Variants in FBXO45 observed in about 807,000 individuals in gnomAD.
The protein encoded by FBXO45 is F-box protein 45.
In FBXO45, 3 loss-of-function variants were observed where a neutral mutation model predicts 25.5. The observed-to-expected ratio is 0.12, with a 90% CI of 0.05 to 0.30. FBXO45 has a LOEUF of 0.30. FBXO45 is among the 10% of genes least tolerant of loss of function. FBXO45 has a pLI of 1.00. For synonymous variants in FBXO45, 155 were observed against 149.8 expected (o/e 1.03, Z -0.25); for missense variants, 219 against 365.0 (o/e 0.60, Z 3.26).
intron 1 of FBXO45, among the ~76,000 whole-genome samples, chr3:196,574,488 A>G (rs1036262401): frequency 6.6e-6 from 1 of 152,212 alleles, no homozygotes; most frequent in Non-Finnish European, 1.5e-5. Context: ...TTTAGTCTAC[A>G]TATTCACTCA....
chr3:196,580,218 C>T (rs6583323), intron 2 of FBXO45, among the ~76,000 whole-genome samples: 122,293 of 143,904 alleles, frequency 0.85, 52,121 homozygotes, highest in East Asian at 0.96. Context: ...TTTTTTTCTC[C>T]TTTTGAGACA....
At chr3:196,571,593 T>C (rs1047684220) in intron 1 of FBXO45, among the ~76,000 whole-genome samples, 1 of 152,246 alleles carries the variant, frequency 6.6e-6, no homozygotes, top group African/African-American at 2.4e-5. Context: ...AAGATTCATA[T>C]TATAATATGT....
chr3:196,581,619 T>C (rs1192106138), intron 2 of FBXO45, among the ~76,000 whole-genome samples: 1 of 152,204 alleles, frequency 6.6e-6, no homozygotes, highest in Non-Finnish European at 1.5e-5. Context: ...TTTGGACATA[T>C]TCATAACAGC....
At position 196,575,817 on chromosome 3, in the gene FBXO45, C is replaced by T. The variant is rs566050894; in HGVS notation, c.319-1636C>T. Among the ~76,000 whole-genome samples, 4 of 151,966 alleles carry T rather than the reference C, an allele frequency of 2.6e-5. No individual in the cohort carries two copies. The East Asian group carries it at 7.8e-4, about 30-fold the overall frequency. ...TCAGCCTCCCAAGTAGCTGGGATTA[C>T]AAGCGTGCACTGCCACGCCCAGCTA... On this transcript the variant is annotated intron_variant, in intron 1 of 2. Transcript: ENST00000311630.
At chr3:196,580,932 C>T (rs1399156141) in intron 2 of FBXO45, among the ~76,000 whole-genome samples, 1 of 151,622 alleles carries the variant, frequency 6.6e-6, no homozygotes, top group South Asian at 2.1e-4. Flanking sequence ...ACTACAGGTG[C>T]TCCCCACCAA....
chr3:196,580,723 G>GT (rs967574207), intron 2 of FBXO45, among the ~76,000 whole-genome samples: 14 of 151,134 alleles, frequency 9.3e-5, no homozygotes, highest in Non-Finnish European at 1.9e-4. Context: ...CTATGTTCTT[G>GT]TTTTTTCCCC....
In FBXO45 at chr3:196,577,847, T is replaced by C. The variant is rs541023294; in HGVS notation, c.675+38T>C. The C allele has an allele frequency of 1.9e-5, 25 of 1,311,566 alleles. No individual in the cohort carries two copies. In the Admixed American group the frequency reaches 3.6e-4, roughly 19 times the overall value. 81.2% of individuals were successfully genotyped at this position (1,311,566 alleles called of 1,614,324 possible). A position where few individuals can be genotyped will look rare whatever the true frequency, so the allele number is the denominator to read the frequency against. On this transcript the variant is annotated intron_variant, in intron 2 of 2. Coordinates refer to ENST00000311630, the MANE Select transcript of FBXO45 (RefSeq NM_001105573.2). ...GGTTTTTCTCAAGTATGGGCCTTTG[T>C]CAAATCACGCCTTAATTTGTTTTAA... is the stretch of plus-strand genomic sequence containing the variant.
chr3:196,582,138 T>TC (rs1736021322), intron 2 of FBXO45, among the ~76,000 whole-genome samples: 1 of 152,180 alleles, frequency 6.6e-6, no homozygotes, highest in Non-Finnish European at 1.5e-5. Flanking sequence ...TGGTAAGACT[T>TC]CGCTTTCTCC....
rs538828421 is a variant in FBXO45 at position 196,584,609 on chromosome 3, T to C, written c.*291T>C. On this transcript the variant is annotated 3_prime_UTR_variant, in exon 3 of 3. Transcript: ENST00000311630. The surrounding 1 kb of genome is among the most constrained non-coding windows in gnomAD (Gnocchi z 4.3). ...GTTATTTCCAGCTTTAAAGGTGAGA[T>C]TGTAGAGATGCTGTCAAAGGGATAA... The C allele has an allele frequency of 1.6e-5, 4 of 252,438 alleles. No individual in the cohort carries two copies. The highest frequency in any genetic ancestry group is 1.7e-4 in the East Asian group (2 of 11,784). The allele number at this position is 252,438 out of a possible 1,614,324, so 15.6% of individuals were successfully genotyped here.
chr3:196,584,332 G>T lies in FBXO45; in HGVS notation c.*14G>T, dbSNP rs368716589. ...TTGGACGGATGACAGTGGCTTTCTT[G>T]TGATGACAGACAGAATGGAGGAGAG... On this transcript the variant is annotated 3_prime_UTR_variant, in exon 3 of 3. Transcript: ENST00000311630. This position sits in a 1 kb window ranked among gnomAD's most constrained non-coding sequence, Gnocchi z 4.3. 8 of 1,592,668 alleles carry T rather than the reference G, an allele frequency of 5.0e-6. No individual in the cohort carries two copies. In the African/African-American group the frequency reaches 6.8e-5, roughly 14 times the overall value.
Position 196,569,331 on chromosome 3 carries a change from C to T in FBXO45, c.318+29C>T. 6.9e-7 allele frequency: 1 copy of T among 1,457,320 alleles called. No homozygotes were observed. The highest frequency in any genetic ancestry group is 9.2e-7 in the Non-Finnish European group (1 of 1,085,700). The allele number at this position is 1,457,320 out of a possible 1,614,324, so 90.3% of individuals were successfully genotyped here. Reference sequence around the variant, plus strand: ...AGAGAGCCCCGGGCCACACCGCTGCCCCCAGTCCCGCTCCCCGGCGTCGTT... The same window carrying T: ...AGAGAGCCCCGGGCCACACCGCTGCTCCCAGTCCCGCTCCCCGGCGTCGTT... On this transcript the variant is annotated intron_variant, in intron 1 of 2. Coordinates refer to ENST00000311630, the MANE Select transcript of FBXO45 (RefSeq NM_001105573.2). The surrounding 1 kb of genome is among the most constrained non-coding windows in gnomAD (Gnocchi z 4.1).
Position 196,584,169 on chromosome 3 carries a change from G to T in FBXO45, c.712G>T (p.Asp238Tyr). 6.2e-7 allele frequency: 1 copy of T among 1,613,914 alleles called. No individual in the cohort carries two copies. The highest frequency in any genetic ancestry group is 8.5e-7 in the Non-Finnish European group (1 of 1,179,874). ...AATTCGAGTCATCTTGGACATGGAA[G>T]ATAAGACTTTAGCTTTTGAACGTGG... ...ERIRVILDME[D>Y]KTLAFERGYE... Residue 238 changes from aspartate (D) to tyrosine (Y), a missense_variant, in exon 3 of 3, where the codon GAT becomes TAT. Transcript: ENST00000311630. This position sits in a 1 kb window ranked among gnomAD's most constrained non-coding sequence, Gnocchi z 4.3.
In FBXO45 at chr3:196,568,871, C is replaced by A; in HGVS notation, c.-114C>A. On this transcript the variant is annotated 5_prime_UTR_variant, in exon 1 of 3. In the 5' UTR this introduces an upstream ATG that the reference lacks. Coordinates refer to ENST00000311630, the MANE Select transcript of FBXO45 (RefSeq NM_001105573.2). ...GTGGTGGAGGCGCCGGCGGTTGGCA[C>A]TGACAGGGGCGGTGAGCGAGCCGCT... The A allele has an allele frequency of 2.4e-6, 2 of 820,448 alleles. No homozygotes were observed. Among genetic ancestry groups the A allele is most frequent in the South Asian group, 5.4e-5 (1 of 18,606 alleles). The allele number at this position is 820,448 out of a possible 1,614,324, so 50.8% of individuals were successfully genotyped here.
chr3:196,587,966 C>T lies in FBXO45; in HGVS notation c.*3648C>T, dbSNP rs909940072. ...TTTTTCTTTTAGACGGAGTCTTGCT[C>T]TGTTGCCCAGGCTGGAGTGCGGTGG... On this transcript the variant is annotated 3_prime_UTR_variant, in exon 3 of 3. Transcript: ENST00000311630. The T allele has an allele frequency of 6.6e-6, 1 of 152,160 alleles. No homozygotes were observed. Among genetic ancestry groups the T allele is most frequent in the Non-Finnish European group, 1.5e-5 (1 of 68,070 alleles). The allele number at this position is 152,160 out of a possible 1,614,324, so 9.4% of individuals were successfully genotyped here.
intron 1 of FBXO45, among the ~76,000 whole-genome samples, chr3:196,570,397 C>G (rs905712771): frequency 6.6e-6 from 1 of 151,870 alleles, no homozygotes; most frequent in African/African-American, 2.4e-5. Flanking sequence ...GCCACCATGC[C>G]CGGCTAATTT....
At chr3:196,583,028 A>T (rs1365337670) in intron 2 of FBXO45, among the ~76,000 whole-genome samples, 3 of 151,086 alleles carry the variant, frequency 2.0e-5, no homozygotes, top group Non-Finnish European at 2.9e-5. Context: ...TATTTCCTTC[A>T]CTCCCCACCC....
intron 1 of FBXO45, among the ~76,000 whole-genome samples, chr3:196,575,434 G>A (rs2108726902): frequency 1.4e-5 from 2 of 146,670 alleles, no homozygotes; most frequent in South Asian, 4.5e-4. Context: ...CTCCAGCTTG[G>A]GTGACAGAGT....
intron 2 of FBXO45, among the ~76,000 whole-genome samples, chr3:196,580,716 T>C (rs1011652517): frequency 1.3e-5 from 2 of 152,220 alleles, no homozygotes; most frequent in African/African-American, 2.4e-5. Context: ...TCTAAAACTA[T>C]GTTCTTGTTT....
chr3:196,572,929 AT>A (rs779430711), intron 1 of FBXO45, among the ~76,000 whole-genome samples: 3 of 149,918 alleles, frequency 2.0e-5, no homozygotes, highest in Admixed American at 6.6e-5. Flanking sequence ...GTTGATCTAG[AT>A]TTTTTTTTTG....
Sources: gnomAD v4.1 joint callset for allele counts (sites outside exome capture counted in the v4.1 genomes callset) on GRCh38, gnomAD v4.1.1 for gene constraint, Gnocchi (gnomAD v3.1) non-coding constraint, MANE v1.5 for transcripts, NCBI Gene and HGNC (gene_info 2026-07-23, HGNC 2026-07-21) for gene names.